Variants in GPC5 observed in about 807,000 individuals in gnomAD.
GPC5 encodes glypican 5.
A neutral mutation model predicts 53.9 loss-of-function variants in GPC5; 47 were observed. The ratio of observed to expected loss-of-function variants is 0.87; its 90% CI spans 0.69 to 1.11. The LOEUF (loss-of-function observed/expected upper bound fraction) is 1.11, where lower values mean the gene tolerates loss of function less well. Ranked by LOEUF, GPC5 falls within the 50% of genes most tolerant of loss-of-function variation. The pLI is 0.00. For missense variants in GPC5, 748 were observed against 713.1 expected (o/e 1.05, Z -0.56); for synonymous variants, 286 against 263.3 (o/e 1.09, Z -0.84).
At chr13:92,491,144 G>A (rs1275649384) in intron 7 of GPC5, among the ~76,000 whole-genome samples, 1 of 151,920 alleles carries the variant, frequency 6.6e-6, no homozygotes, top group African/African-American at 2.4e-5. Flanking sequence ...CTATGCTAAT[G>A]GTTTACTATC....
chr13:92,402,968 A>G (rs1875627133), intron 7 of GPC5, among the ~76,000 whole-genome samples: 1 of 152,208 alleles, frequency 6.6e-6, no homozygotes, highest in African/African-American at 2.4e-5. Context: ...GAATTGACTC[A>G]TGCCTCCTCA....
At chr13:92,248,390 G>A (rs1365804486) in intron 7 of GPC5, among the ~76,000 whole-genome samples, 2 of 152,018 alleles carry the variant, frequency 1.3e-5, no homozygotes, top group Admixed American at 6.6e-5. Flanking sequence ...CCTAGCCACA[G>A]GAGTTAAAAC....
chr13:92,642,882 G>C (rs1885639121), intron 7 of GPC5, among the ~76,000 whole-genome samples: 1 of 152,152 alleles, frequency 6.6e-6, no homozygotes, highest in African/African-American at 2.4e-5. Flanking sequence ...CAGGCCAAGG[G>C]ACTTTATGAT....
intron 5 of GPC5, among the ~76,000 whole-genome samples, chr13:91,842,823 T>C (rs977002001): frequency 1.3e-5 from 2 of 151,706 alleles, no homozygotes; most frequent in Non-Finnish European, 2.9e-5. Flanking sequence ...CTGAGGCAAA[T>C]ATTGAAAATG....
At chr13:92,786,288 C>A (rs968296793) in intron 7 of GPC5, among the ~76,000 whole-genome samples, 1 of 151,972 alleles carries the variant, frequency 6.6e-6, no homozygotes, top group African/African-American at 2.4e-5. Context: ...AGCGGTTTTG[C>A]GAAGTTCTTA....
intron 6 of GPC5, among the ~76,000 whole-genome samples, chr13:91,956,682 A>G (rs564018017): frequency 6.6e-6 from 1 of 152,320 alleles, no homozygotes; most frequent in East Asian, 1.9e-4. Flanking sequence ...ACTGCAAGGC[A>G]CTAAGGAAAT....
chr13:91,727,361 C>T (rs2036597960), intron 3 of GPC5, among the ~76,000 whole-genome samples: 1 of 152,190 alleles, frequency 6.6e-6, no homozygotes, highest in African/African-American at 2.4e-5. Context: ...GATCCCACCT[C>T]TCTCAGACAT....
intron 6 of GPC5, among the ~76,000 whole-genome samples, chr13:91,978,104 A>G (rs1322724011): frequency 1.3e-5 from 2 of 152,198 alleles, no homozygotes; most frequent in Non-Finnish European, 2.9e-5. Flanking sequence ...GCAGTAAGCC[A>G]TGAGCCATGA....
chr13:92,008,268 T>A, intron 6 of GPC5, among the ~76,000 whole-genome samples: 1 of 151,892 alleles, frequency 6.6e-6, no homozygotes. Context: ...TTCACCGTGT[T>A]AGCCAGGATG....
At chr13:91,787,193 A>G (rs1460467969) in intron 5 of GPC5, among the ~76,000 whole-genome samples, 1 of 152,142 alleles carries the variant, frequency 6.6e-6, no homozygotes, top group Non-Finnish European at 1.5e-5. Context: ...TTTATTAATT[A>G]TTCTTGCTAT....
intron 2 of GPC5, among the ~76,000 whole-genome samples, chr13:91,474,554 C>T (rs1328834269): frequency 1.3e-5 from 2 of 152,142 alleles, no homozygotes; most frequent in South Asian, 2.1e-4. Flanking sequence ...TTACACTGAT[C>T]TAAACAATGA....
At chr13:91,415,274 G>A (rs1034973059) in intron 1 of GPC5, among the ~76,000 whole-genome samples, 2 of 152,162 alleles carry the variant, frequency 1.3e-5, no homozygotes, top group Non-Finnish European at 2.9e-5. Context: ...TCCCCAACAA[G>A]TTCAGTGTTC....
chr13:92,203,059 T>C (rs1246780937), intron 7 of GPC5, among the ~76,000 whole-genome samples: 2 of 152,174 alleles, frequency 1.3e-5, no homozygotes, highest in East Asian at 3.9e-4. Flanking sequence ...TTCACCCCCA[T>C]AGAACTAGTT....
At chr13:91,483,930 G>A (rs1241596990) in intron 2 of GPC5, among the ~76,000 whole-genome samples, 1 of 152,070 alleles carries the variant, frequency 6.6e-6, no homozygotes, top group Non-Finnish European at 1.5e-5. Context: ...GTTAAGTGGA[G>A]ATTTACACTA....
intron 7 of GPC5, among the ~76,000 whole-genome samples, chr13:92,680,218 C>G (rs984020511): frequency 6.6e-6 from 1 of 152,178 alleles, no homozygotes; most frequent in Non-Finnish European, 1.5e-5. Flanking sequence ...TCTGCTTTGT[C>G]CCTAGAGGCC....
intron 7 of GPC5, among the ~76,000 whole-genome samples, chr13:92,758,853 T>A (rs892118178): frequency 6.6e-6 from 1 of 152,140 alleles, no homozygotes; most frequent in Non-Finnish European, 1.5e-5. Flanking sequence ...AGGAGTTTTA[T>A]GATTTCCAGT....
intron 3 of GPC5, among the ~76,000 whole-genome samples, chr13:91,721,846 G>T (rs2036481560): frequency 6.6e-6 from 1 of 152,106 alleles, no homozygotes; most frequent in South Asian, 2.1e-4. Context: ...CACCTGGCTG[G>T]AGCACCCCAC....
intron 2 of GPC5, among the ~76,000 whole-genome samples, chr13:91,504,405 A>G (rs750788676): frequency 1.6e-4 from 24 of 152,106 alleles, no homozygotes; most frequent in Non-Finnish European, 2.5e-4. Flanking sequence ...GGTTATTAAT[A>G]TTTTGGATAA....
intron 7 of GPC5, among the ~76,000 whole-genome samples, chr13:92,560,237 T>A (rs1882651671): frequency 6.6e-6 from 1 of 152,014 alleles, no homozygotes; most frequent in Admixed American, 6.6e-5. Flanking sequence ...AATAGTGATT[T>A]GTGATATATT....
Sources: allele counts gnomAD v4.1 joint callset (sites outside exome capture counted in the v4.1 genomes callset), GRCh38; gene constraint gnomAD v4.1.1; transcripts MANE v1.5; gene names NCBI Gene and HGNC (gene_info 2026-07-23, HGNC 2026-07-21).